Variants in CPEB1 observed in about 807,000 individuals in gnomAD.
CPEB1 encodes the protein cytoplasmic polyadenylation element binding protein 1.
In CPEB1, 7 loss-of-function variants were observed where a neutral mutation model predicts 65.8. The observed-to-expected ratio is 0.11, with a 90% CI of 0.06 to 0.20. CPEB1 has a LOEUF of 0.20. Ranked by LOEUF, CPEB1 falls within the 10% of genes least tolerant of loss-of-function variation. CPEB1 has a pLI of 1.00. For synonymous variants in CPEB1, 262 were observed against 260.0 expected (o/e 1.01, Z -0.08); for missense variants, 551 against 712.2 (o/e 0.77, Z 2.58).
intron 5 of CPEB1, chr15:82,556,550 T>C (rs1202344507): frequency 6.3e-6 from 1 of 158,080 alleles, no homozygotes. Flanking sequence ...AGCTCTGCAT[T>C]GTATCATAAA....
intron 3 of CPEB1, among the ~76,000 whole-genome samples, chr15:82,584,903 CTTTTTTTTT>C (rs3080692): frequency 3.7e-5 from 3 of 81,742 alleles, no homozygotes; most frequent in African/African-American, 1.8e-4. Flanking sequence ...TCCTAATTTG[CTTTTTTTTT>C]TTTTTTTTTT....
At position 82,582,575 on chromosome 15, in the gene CPEB1, CCT is replaced by C. The variant is rs1321974112; in HGVS notation, c.272-11045_272-11044del. Among the ~76,000 whole-genome samples, 5 of 152,144 alleles carry C rather than the reference CCT, an allele frequency of 3.3e-5. No individual in the cohort carries two copies. The East Asian group carries it at 7.7e-4, about 24-fold the overall frequency. ...CTCAAATACAGGGACTAACTGATCC[CCT>C]GACCTCTCTCCCACAATGGGACACT... is the stretch of plus-strand genomic sequence containing the variant. On this transcript the variant is annotated intron_variant, in intron 3 of 12. Transcript: ENST00000684509.
chr15:82,585,714 G>A (rs2041741461), intron 3 of CPEB1, among the ~76,000 whole-genome samples: 1 of 152,100 alleles, frequency 6.6e-6, no homozygotes, highest in Non-Finnish European at 1.5e-5. Context: ...AAAATAGCAT[G>A]CAAGTAATAA....
intron 3 of CPEB1, among the ~76,000 whole-genome samples, chr15:82,587,770 T>TC (rs2041916774): frequency 6.6e-6 from 1 of 152,168 alleles, no homozygotes; most frequent in Admixed American, 6.5e-5. Flanking sequence ...AGATGAGCTG[T>TC]CCTAAGAAAA....
At chr15:82,547,259 T>A in intron 10 of CPEB1, 22 bp from the exon 11 acceptor site, 1 of 1,374,676 alleles carries the variant, frequency 7.3e-7, no homozygotes. Context: ...GACACAAGCT[T>A]CCCTTCTAAC....
chr15:82,594,857 C>T (rs1326515388), intron 3 of CPEB1, among the ~76,000 whole-genome samples: 1 of 77,728 alleles, frequency 1.3e-5, no homozygotes, highest in Non-Finnish European at 2.5e-5. Flanking sequence ...AAGAGGGAGG[C>T]CCAAGAAAGT....
Position 82,572,379 on chromosome 15 carries a change from G to C in CPEB1, c.272-847C>G, listed in dbSNP as rs139895986. On this transcript the variant is annotated intron_variant, in intron 3 of 12. Coordinates refer to ENST00000684509, the MANE Select transcript of CPEB1 (RefSeq NM_001365242.1). Reference sequence around the variant, plus strand: ...TCTAGAGCAGCTTATCACAGAGAAAGGGGGTAAGCGTTGGCAGAGTGGGGG... The same window carrying C: ...TCTAGAGCAGCTTATCACAGAGAAACGGGGTAAGCGTTGGCAGAGTGGGGG... Among the ~76,000 whole-genome samples, 657 of 152,328 alleles carry C rather than the reference G, an allele frequency of 4.3e-3. 5 individuals carry two copies. The highest frequency in any genetic ancestry group is 0.015 in the African/African-American group (626 of 41,576).
At chr15:82,555,448 C>A (rs2150967475) in intron 6 of CPEB1, among the ~76,000 whole-genome samples, 1 of 152,342 alleles carries the variant, frequency 6.6e-6, no homozygotes, top group Middle Eastern at 3.4e-3. Context: ...GGGAAGAAAG[C>A]TCCAGCATGA....
intron 10 of CPEB1, 89 bp downstream of exon 10, chr15:82,549,371 T>TCTCTC: frequency 7.2e-7 from 1 of 1,388,886 alleles, no homozygotes; most frequent in Non-Finnish European, 1.0e-6. Context: ...GGGTCAGGCC[T>TCTCTC]CTCTCCTCAC....
intron 3 of CPEB1, among the ~76,000 whole-genome samples, chr15:82,618,019 T>C (rs1373710022): frequency 2.0e-5 from 3 of 152,114 alleles, no homozygotes; most frequent in Admixed American, 6.5e-5. Context: ...AGGTAAAGTT[T>C]TTAATTTTAT....
intron 1 of CPEB1, among the ~76,000 whole-genome samples, chr15:82,642,531 C>G (rs2047193121): frequency 6.6e-6 from 1 of 152,138 alleles, no homozygotes; most frequent in Non-Finnish European, 1.5e-5. Flanking sequence ...CTGGGTGACA[C>G]AGTGAGACCT....
At chr15:82,638,076 C>T (rs1417765275) in intron 1 of CPEB1, 9 of 415,376 alleles carry the variant, frequency 2.2e-5, no homozygotes, top group Non-Finnish European at 4.9e-6. Context: ...AATGTGTTGT[C>T]ATGTGTTATT....
At chr15:82,548,122 G>T (rs803687) in intron 10 of CPEB1, among the ~76,000 whole-genome samples, 60,909 of 151,818 alleles carry the variant, frequency 0.4, 12,286 homozygotes, top group South Asian at 0.47. Context: ...GGATCATGAG[G>T]TCAAGAGATG....
chr15:82,570,665 A>G (rs960030014), intron 4 of CPEB1, among the ~76,000 whole-genome samples: 5 of 151,986 alleles, frequency 3.3e-5, no homozygotes, highest in African/African-American at 1.2e-4. Context: ...CCAAGAAGAC[A>G]AGGGATCCTA....
intron 3 of CPEB1, among the ~76,000 whole-genome samples, chr15:82,626,348 C>T (rs1474266039): frequency 4.0e-5 from 6 of 151,726 alleles, no homozygotes; most frequent in East Asian, 1.9e-4. Context: ...GCAGGATAAC[C>T]GCTTGAACCA....
In CPEB1 at chr15:82,571,032, G is replaced by A. The variant is rs570501577; in HGVS notation, c.460+312C>T. 1.3e-3 allele frequency among the ~76,000 whole-genome samples: 196 copies of A among 152,304 alleles called. 1 individual carries two copies. Among genetic ancestry groups the A allele is most frequent in the Non-Finnish European group, 1.7e-3 (114 of 68,032 alleles). ...TCCAAGACAGGCCTGGGCACCAGGG[G>A]GTTAGCTGGATCTTTTCTGCACAAG... On this transcript the variant is annotated intron_variant, in intron 4 of 12. Transcript: ENST00000684509.
intron 3 of CPEB1, among the ~76,000 whole-genome samples, chr15:82,613,030 G>A (rs1196321521): frequency 6.0e-5 from 9 of 149,952 alleles, no homozygotes; most frequent in African/African-American, 1.5e-4. Flanking sequence ...CAAGAACAGC[G>A]AGGAAAAAAA....
chr15:82,614,786 T>TA (rs2044534576), intron 3 of CPEB1, among the ~76,000 whole-genome samples: 1 of 152,108 alleles, frequency 6.6e-6, no homozygotes, highest in Non-Finnish European at 1.5e-5. Flanking sequence ...ACCTAGTCCT[T>TA]ACACATTCTT....
At chr15:82,634,812 C>T (rs1205198796) in intron 1 of CPEB1, among the ~76,000 whole-genome samples, 6 of 152,106 alleles carry the variant, frequency 3.9e-5, no homozygotes, top group Non-Finnish European at 7.4e-5. Flanking sequence ...TTAGATGTCC[C>T]AAATAACTGG....
Sources: gnomAD v4.1 joint callset for allele counts (sites outside exome capture counted in the v4.1 genomes callset) on GRCh38, gnomAD v4.1.1 for gene constraint, MANE v1.5 for transcripts, NCBI Gene and HGNC (gene_info 2026-07-23, HGNC 2026-07-21) for gene names.